ZNF625: variants seen among roughly 807,000 people sequenced by gnomAD.
The protein encoded by ZNF625 is zinc finger protein 625.
ZNF625 carries 8 observed loss-of-function variants against 11.1 expected under a neutral mutation model. The ratio of observed to expected loss-of-function variants is 0.72; its 90% CI spans 0.42 to 1.30. The LOEUF is 1.30. Ranked by LOEUF, ZNF625 falls within the 50% of genes most tolerant of loss-of-function variation. The probability of loss-of-function intolerance (pLI) is 0.01; values close to 1 mark genes in which losing one functional copy is unlikely to be tolerated. For missense variants in ZNF625, 349 were observed against 447.6 expected (o/e 0.78, Z 1.99); for synonymous variants, 145 against 153.4 (o/e 0.95, Z 0.41).
Position 12,147,349 on chromosome 19 carries a change from A to G in ZNF625, c.191+46T>C, listed in dbSNP as rs149553759. On this transcript the variant is annotated intron_variant, in intron 3 of 3. Transcript: ENST00000439556. ...TCTTTTTAACATTTTCTTCCATTCT[A>G]TGATTGTCTAGAGAGACATCACTTT... 1,286 of 1,369,268 alleles carry G rather than the reference A, an allele frequency of 9.4e-4. 26 individuals carry two copies. The East Asian group carries it at 0.028, about 30-fold the overall frequency. 84.8% of individuals were successfully genotyped at this position (1,369,268 alleles called of 1,614,324 possible).
At position 12,145,768 on chromosome 19, in the gene ZNF625, C is replaced by T; in HGVS notation, c.648G>A (p.Glu216=). 1 of 1,614,204 alleles carries T rather than the reference C, an allele frequency of 6.2e-7. No individual in the cohort carries two copies. The highest frequency in any genetic ancestry group is 1.1e-5 in the South Asian group (1 of 91,088). Residue 216 remains glutamate, a synonymous_variant, in exon 4 of 4, where the codon GAG becomes GAA. Transcript: ENST00000439556. ...CACACTGTTTACATTCATATGGTTT[C>T]TCTCCAGTGTGAGTTCGTTTGTGGA... ...YLIHKRTHTG[E]KPYECKQCGK...
intron 3 of ZNF625, among the ~76,000 whole-genome samples, chr19:12,146,658 C>G (rs908239153): frequency 6.6e-6 from 1 of 152,156 alleles, no homozygotes; most frequent in African/African-American, 2.4e-5. Flanking sequence ...TCTCAAACTC[C>G]TAGACTCAAG....
intron 1 of ZNF625, among the ~76,000 whole-genome samples, chr19:12,150,528 C>T (rs887455086): frequency 6.6e-6 from 1 of 152,170 alleles, no homozygotes; most frequent in Admixed American, 6.5e-5. Context: ...CCTCAATTTA[C>T]CCTTGAACTA....
In ZNF625 at chr19:12,145,602, C is replaced by A. The variant is rs1191398402; in HGVS notation, c.814G>T (p.Glu272Ter). 7 of 1,614,048 alleles carry A rather than the reference C, an allele frequency of 4.3e-6. No individual in the cohort carries two copies. The highest frequency in any genetic ancestry group is 2.5e-6 in the Non-Finnish European group (3 of 1,180,050). ...LHAHKITHTG[E>*]KPYECKQCGK... ...CACTGTTTACATTCATACGGCTTCT[C>A]CCCAGTGTGAGTTATTTTATGTGCA... is the stretch of plus-strand genomic sequence containing the variant. Residue 272 changes from glutamate to a stop codon, truncating the protein, a stop_gained, in exon 4 of 4, where the codon GAG becomes TAG. Transcript: ENST00000439556. LOFTEE classifies it low-confidence loss of function (END_TRUNC).
rs1032846267 is a variant in ZNF625 at position 12,149,241 on chromosome 19, C to T, written c.4-1439G>A. Among the ~76,000 whole-genome samples the T allele has an allele frequency of 2.0e-5, 3 of 146,928 alleles. No homozygotes were observed. In the East Asian group the frequency reaches 6.0e-4, roughly 30 times the overall value. On this transcript the variant is annotated intron_variant, in intron 1 of 3. Transcript: ENST00000439556. ...CGGAGGTTGCAGTGAGCTGAGATCT[C>T]ACCACTGCACTCCAGCCTGGCGACA...
intron 1 of ZNF625, among the ~76,000 whole-genome samples, chr19:12,154,169 T>C (rs1414898667): frequency 6.6e-6 from 1 of 152,154 alleles, no homozygotes; most frequent in African/African-American, 2.4e-5. Flanking sequence ...GGGCCTCTTT[T>C]CTCTTGATCT....
At position 12,156,224 on chromosome 19, in the gene ZNF625, G is replaced by T. The variant is rs368128441; in HGVS notation, c.3+332C>A. Among the ~76,000 whole-genome samples the T allele has an allele frequency of 2.2e-4, 34 of 152,278 alleles. No individual in the cohort carries two copies. In the East Asian group the frequency reaches 6.0e-3, roughly 27 times the overall value. On this transcript the variant is annotated intron_variant, in intron 1 of 3. Transcript: ENST00000439556. ...CTCCCACACGAACCACACACCCGAG[G>T]CAGGATTGCCTCCATGACCCTCCCG... is the stretch of plus-strand genomic sequence containing the variant.
chr19:12,153,900 C>T (rs1475305753), intron 1 of ZNF625, among the ~76,000 whole-genome samples: 6 of 149,936 alleles, frequency 4.0e-5, no homozygotes, highest in African/African-American at 9.8e-5. Flanking sequence ...CTCTCCCTCC[C>T]GGGTTCACGC....
intron 1 of ZNF625, among the ~76,000 whole-genome samples, chr19:12,153,830 C>CTTTTT (rs1976992116): frequency 9.0e-6 from 1 of 110,508 alleles, no homozygotes; most frequent in Non-Finnish European, 1.7e-5. Flanking sequence ...TTTTTTGAGA[C>CTTTTT]GGAGTCTTGC....
At position 12,156,602 on chromosome 19, in the gene ZNF625, C is replaced by T. The variant is rs1599445594; in HGVS notation, c.-44G>A. ...CCTGGCCTCCTCTCCACGGATCCCT[C>T]TAACAGTCCAGTCACAGTGCGGGCG... On this transcript the variant is annotated 5_prime_UTR_variant, in exon 1 of 4. Transcript: ENST00000439556. 1 of 1,315,098 alleles carries T rather than the reference C, an allele frequency of 7.6e-7. No individual in the cohort carries two copies. Among genetic ancestry groups the T allele is most frequent in the Non-Finnish European group, 9.7e-7 (1 of 1,029,394 alleles). The allele number at this position is 1,315,098 out of a possible 1,614,324, so 81.5% of individuals were successfully genotyped here. A position where few individuals can be genotyped will look rare whatever the true frequency, so the allele number is the denominator to read the frequency against.
Position 12,153,445 on chromosome 19 carries a change from G to T in ZNF625, c.3+3111C>A, listed in dbSNP as rs1373338683. ...TCATGCCTGTAATCCGGCATTTTGG[G>T]AAGCCAAGGCGGGTGGATCACCTGA... On this transcript the variant is annotated intron_variant, in intron 1 of 3. Transcript: ENST00000439556. Among the ~76,000 whole-genome samples the T allele has an allele frequency of 2.6e-5, 4 of 152,044 alleles. 1 individual carries two copies. The South Asian group carries it at 8.3e-4, about 32-fold the overall frequency.
At chr19:12,154,520 G>A (rs1008164671) in intron 1 of ZNF625, among the ~76,000 whole-genome samples, 1 of 152,046 alleles carries the variant, frequency 6.6e-6, no homozygotes, top group Admixed American at 6.6e-5. Context: ...TTTTAGCTCC[G>A]GAGTTCTAAG....
At chr19:12,155,016 A>G (rs1008223528) in intron 1 of ZNF625, among the ~76,000 whole-genome samples, 5 of 152,168 alleles carry the variant, frequency 3.3e-5, no homozygotes, top group African/African-American at 9.7e-5. Context: ...ATTTGAGGTC[A>G]GGAGTTTGAG....
At chr19:12,156,193 C>A (rs1430316864) in intron 1 of ZNF625, among the ~76,000 whole-genome samples, 1 of 152,150 alleles carries the variant, frequency 6.6e-6, no homozygotes, top group East Asian at 1.9e-4. Context: ...CCGCAGCCCA[C>A]CGCTCCTCCC....
chr19:12,146,903 A>C (rs973762649), intron 3 of ZNF625, among the ~76,000 whole-genome samples: 19 of 152,110 alleles, frequency 1.2e-4, no homozygotes, highest in Admixed American at 9.8e-4. Context: ...AACCTCCCAA[A>C]GGGCTGGATT....
chr19:12,154,566 A>G (rs1352246489), intron 1 of ZNF625, among the ~76,000 whole-genome samples: 1 of 152,174 alleles, frequency 6.6e-6, no homozygotes. Flanking sequence ...CTTGAATGGC[A>G]ATTCTCAGAT....
chr19:12,150,365 C>T (rs977360602), intron 1 of ZNF625, among the ~76,000 whole-genome samples: 1 of 152,096 alleles, frequency 6.6e-6, no homozygotes, highest in Non-Finnish European at 1.5e-5. Context: ...CCTACAAAAC[C>T]CAGTTATAGC....
rs1976853950 is a variant in ZNF625, at chr19:12,145,422, C to A, written c.994G>T (p.Glu332Ter). ...GRTHTGEKPY[E>*]CKQCGKAFGC... is the part of the protein sequence containing the mutation. Reference sequence around the variant, plus strand: ...AAGGCTTTACCACATTGTTTACATTCATAGGGTTTCTCTCCAGTGTGAGTC... The same window carrying A: ...AAGGCTTTACCACATTGTTTACATTAATAGGGTTTCTCTCCAGTGTGAGTC... Residue 332 changes from glutamate to a stop codon, truncating the protein, a stop_gained, in exon 4 of 4, where the codon GAA becomes TAA. Coordinates refer to ENST00000439556, the MANE Select transcript of ZNF625 (RefSeq NM_145233.4). LOFTEE classifies it low-confidence loss of function (END_TRUNC). 1 of 1,614,014 alleles carries A rather than the reference C, an allele frequency of 6.2e-7. No homozygotes were observed. The highest frequency in any genetic ancestry group is 8.5e-7 in the Non-Finnish European group (1 of 1,180,036).
intron 1 of ZNF625, 31 bp downstream of exon 1, chr19:12,156,525 C>T: frequency 1.4e-6 from 2 of 1,425,096 alleles, no homozygotes; most frequent in Non-Finnish European, 1.8e-6. Flanking sequence ...GCCCCTCCCC[C>T]GTCTCGGGAC....
Sources: gnomAD v4.1 joint callset for allele counts (sites outside exome capture counted in the v4.1 genomes callset) on GRCh38, gnomAD v4.1.1 for gene constraint, MANE v1.5 for transcripts, NCBI Gene and HGNC (gene_info 2026-07-23, HGNC 2026-07-21) for gene names.